The following TAAR5 variants were observed in gnomAD, a reference collection of about 807,000 sequenced individuals.
The protein encoded by TAAR5 is trace amine-associated receptor 5.
TAAR5 carries 27 observed loss-of-function variants against 21.1 expected under a neutral mutation model. The observed-to-expected ratio is 1.28, with a 90% CI of 0.94 to 1.76. The LOEUF is 1.76. Among genes scored for constraint, TAAR5 ranks in the 40% most tolerant of loss-of-function variants. The probability of loss-of-function intolerance (pLI) is 0.00; values close to 1 mark genes in which losing one functional copy is unlikely to be tolerated. For missense variants in TAAR5, 495 were observed against 405.6 expected, an observed-to-expected ratio of 1.22 and a Z score of -1.89; for synonymous variants, 203 against 167.5, an observed-to-expected ratio of 1.21 and a Z score of -1.64.
chr6:132,599,535 G>A, the TAAR5 span, among the ~76,000 whole-genome samples: 5 of 151,734 alleles, frequency 3.3e-5, no homozygotes, highest in Non-Finnish European at 7.4e-5. Context: ...CACCATGTTG[G>A]CCAGGCTGGT....
At chr6:132,607,142 C>A in the TAAR5 span, among the ~76,000 whole-genome samples, 1 of 152,056 alleles carries the variant, frequency 6.6e-6, no homozygotes, top group Non-Finnish European at 1.5e-5. Context: ...TTGCAGTGAG[C>A]CGAGATTGTG....
At chr6:132,616,189 T>A in the TAAR5 span, among the ~76,000 whole-genome samples, 1 of 152,180 alleles carries the variant, frequency 6.6e-6, no homozygotes, top group Non-Finnish European at 1.5e-5. Flanking sequence ...AGGACTGTTC[T>A]TTTTAGAGCC....
the TAAR5 span, among the ~76,000 whole-genome samples, chr6:132,603,524 A>G: frequency 1.3e-5 from 2 of 151,420 alleles, no homozygotes; most frequent in African/African-American, 4.8e-5. Flanking sequence ...GACAAGGGAA[A>G]TCAATATCGC....
the TAAR5 span, among the ~76,000 whole-genome samples, chr6:132,614,295 G>A: frequency 2.6e-5 from 4 of 152,114 alleles, no homozygotes; most frequent in East Asian, 1.9e-4. Context: ...ATCATGTCTC[G>A]CATAGTTCTT....
At chr6:132,606,228 C>T in the TAAR5 span, among the ~76,000 whole-genome samples, 2 of 152,094 alleles carry the variant, frequency 1.3e-5, no homozygotes, top group Admixed American at 6.6e-5. Flanking sequence ...AGGTAACAAA[C>T]CTGATCATGC....
the TAAR5 span, among the ~76,000 whole-genome samples, chr6:132,616,282 T>C: frequency 2.0e-5 from 3 of 152,324 alleles, no homozygotes; most frequent in Non-Finnish European, 4.4e-5. Context: ...ATAATTTTCT[T>C]CTTTATTTCT....
upstream of TAAR5, among the ~76,000 whole-genome samples, chr6:132,593,773 TA>T (rs1187747832): frequency 1.3e-5 from 2 of 152,220 alleles, no homozygotes; most frequent in African/African-American, 4.8e-5. Flanking sequence ...CCAAACTCTT[TA>T]TTCATTTTTC....
chr6:132,603,946 A>G, the TAAR5 span, among the ~76,000 whole-genome samples: 2 of 152,084 alleles, frequency 1.3e-5, no homozygotes, highest in African/African-American at 4.8e-5. Flanking sequence ...AAATGTATAT[A>G]CAGAATAACT....
the TAAR5 span, among the ~76,000 whole-genome samples, chr6:132,612,277 T>C: frequency 6.6e-6 from 1 of 152,238 alleles, no homozygotes; most frequent in South Asian, 2.1e-4. Context: ...GCTAGAGATA[T>C]ATGTTTGAAT....
chr6:132,589,632 G>T lies in TAAR5; in HGVS notation c.55C>A (p.Gln19Lys), dbSNP rs775640625. Reference protein sequence around the residue: ...AEEHPAAFCYQVNGSCPRTVH... With the variant: ...AEEHPAAFCYKVNGSCPRTVH... ...GTCCTGGGGCAAGACCCATTCACCT[G>T]GTAGCAGAATGCCGCAGGGTGCTCT... is the stretch of plus-strand genomic sequence containing the variant. The change falls in exon 1 of 1, where the codon CAG becomes AAG. Residue 19 changes from glutamine to lysine, a missense_variant. Gln to Lys is a moderately conservative substitution (Grantham distance 53). Transcript: ENST00000258034. 1.9e-6 allele frequency: 3 copies of T among 1,612,452 alleles called. No homozygotes were observed. Among genetic ancestry groups the T allele is most frequent in the Middle Eastern group, 1.7e-4 (1 of 6,050 alleles).
chr6:132,608,729 C>T, the TAAR5 span: 3 of 455,874 alleles, frequency 6.6e-6, no homozygotes, highest in Non-Finnish European at 1.3e-5. Flanking sequence ...TTGAAGCAAG[C>T]AACAAGTATC....
At chr6:132,602,779 C>CAAAAAAAAAAAAA in the TAAR5 span, among the ~76,000 whole-genome samples, 2 of 95,946 alleles carry the variant, frequency 2.1e-5, no homozygotes, top group African/African-American at 7.8e-5. Flanking sequence ...CTTTAGAAGT[C>CAAAAAAAAAAAAA]AAAAAAAAAA....
chr6:132,588,999 C>G lies in TAAR5; in HGVS notation c.688G>C (p.Ala230Pro), dbSNP rs1029443792. ...TTGCTCAATGTGGTAATCTGCTGAG[C>G]CTGTCTGGTAGCAACCACAAAGATC... Reference protein sequence around the residue: ...VKIFVVATRQAQQITTLSKSL... With the variant: ...VKIFVVATRQPQQITTLSKSL... Residue 230 changes from alanine (A) to proline (P), a missense_variant, in exon 1 of 1, where the codon GCT becomes CCT. By Grantham distance (27) the Ala-to-Pro change is conservative. Transcript: ENST00000258034. The G allele has an allele frequency of 6.2e-7, 1 of 1,613,366 alleles. No homozygotes were observed. Among genetic ancestry groups the G allele is most frequent in the African/African-American group, 1.3e-5 (1 of 74,696 alleles).
At chr6:132,600,644 C>T in the TAAR5 span, among the ~76,000 whole-genome samples, 1 of 152,072 alleles carries the variant, frequency 6.6e-6, no homozygotes, top group African/African-American at 2.4e-5. Context: ...CATGATCTTT[C>T]CTTGAGATTA....
the TAAR5 span, among the ~76,000 whole-genome samples, chr6:132,607,877 T>C: frequency 0.21 from 32,210 of 152,050 alleles, 6,155 homozygotes; most frequent in African/African-American, 0.51. Flanking sequence ...CCTAGAATGG[T>C]ATCAGATAGG....
chr6:132,599,805 C>G, the TAAR5 span, among the ~76,000 whole-genome samples: 7 of 152,104 alleles, frequency 4.6e-5, no homozygotes, highest in Non-Finnish European at 1.0e-4. Flanking sequence ...TAAAACTTCT[C>G]TTTCCAAATT....
At chr6:132,602,365 A>G in the TAAR5 span, among the ~76,000 whole-genome samples, 2 of 152,208 alleles carry the variant, frequency 1.3e-5, no homozygotes, top group Non-Finnish European at 2.9e-5. Flanking sequence ...GGCTCCATCC[A>G]GGGGTGATGG....
chr6:132,608,911 C>G, the TAAR5 span: 13 of 455,912 alleles, frequency 2.9e-5, no homozygotes, highest in African/African-American at 1.8e-4. Flanking sequence ...AGCAATGGAA[C>G]AGAGGTGGAA....
Position 132,588,865 on chromosome 6 carries a change from G to C in TAAR5, c.822C>G (p.Val274=), listed in dbSNP as rs367936802. The C allele has an allele frequency of 6.2e-7, 1 of 1,614,010 alleles. No individual in the cohort carries two copies. The highest frequency in any genetic ancestry group is 2.2e-5 in the East Asian group (1 of 44,870). ...CWLPFTIDTM[V]DSLLHFITPP... Reference sequence around the variant, plus strand: ...GTGTGATAAAGTGAAGGAGGCTGTCGACCATCGTGTCTATGGTGAAGGGCA... The same window carrying C: ...GTGTGATAAAGTGAAGGAGGCTGTCCACCATCGTGTCTATGGTGAAGGGCA... The change falls in exon 1 of 1, where the codon GTC becomes GTG. Residue 274 remains valine (V), a synonymous_variant. Transcript: ENST00000258034.
Sources: gnomAD v4.1 joint callset for allele counts (sites outside exome capture counted in the v4.1 genomes callset) on GRCh38, gnomAD v4.1.1 for gene constraint, MANE v1.5 for transcripts, NCBI Gene and HGNC (gene_info 2026-07-23, HGNC 2026-07-21) for gene names.